UBE2F: variants seen among roughly 807,000 people sequenced by gnomAD.
UBE2F encodes the protein NEDD8-conjugating enzyme UBE2F.
In UBE2F, 5 loss-of-function variants were observed where a neutral mutation model predicts 29.6. The ratio of observed to expected loss-of-function variants is 0.17; its 90% CI spans 0.09 to 0.36. The LOEUF is 0.36. Among genes scored for constraint, UBE2F ranks in the 10% least tolerant of loss-of-function variants. The pLI, the probability that UBE2F is intolerant of heterozygous loss-of-function variation, is 1.00. For missense variants in UBE2F, 141 were observed against 228.5 expected (o/e 0.62, Z 2.47); for synonymous variants, 66 against 81.8 (o/e 0.81, Z 1.04).
chr2:237,972,405 C>T (rs1262772013), intron 1 of UBE2F, among the ~76,000 whole-genome samples: 7 of 152,108 alleles, frequency 4.6e-5, no homozygotes, highest in African/African-American at 1.7e-4. Context: ...CATGTGGAAC[C>T]CATTGGTGAG....
chr2:237,996,210 C>T (rs1267601703), intron 4 of UBE2F, among the ~76,000 whole-genome samples: 1 of 152,186 alleles, frequency 6.6e-6, no homozygotes, highest in Non-Finnish European at 1.5e-5. Flanking sequence ...GTAGGGTATT[C>T]TCAGAAATCA....
intron 4 of UBE2F, among the ~76,000 whole-genome samples, chr2:238,014,621 A>G (rs1174752609): frequency 6.6e-6 from 1 of 152,192 alleles, no homozygotes; most frequent in Non-Finnish European, 1.5e-5. Context: ...ATGGGTAGTA[A>G]TCATTCCTAA....
chr2:237,971,360 G>C (rs2063172691), intron 1 of UBE2F, among the ~76,000 whole-genome samples: 1 of 152,110 alleles, frequency 6.6e-6, no homozygotes, highest in Non-Finnish European at 1.5e-5. Flanking sequence ...GTCTCACTCT[G>C]TTGCCAGGCT....
intron 8 of UBE2F, 142 bp downstream of exon 8, chr2:238,032,396 C>A: frequency 1.4e-6 from 1 of 695,794 alleles, no homozygotes; most frequent in South Asian, 1.9e-5. Flanking sequence ...GCCTGTAATC[C>A]TAGCACTTTG....
chr2:237,977,936 T>C (rs2063313531), intron 2 of UBE2F, among the ~76,000 whole-genome samples: 1 of 152,048 alleles, frequency 6.6e-6, no homozygotes, highest in African/African-American at 2.4e-5. Flanking sequence ...GAGTTTGTCA[T>C]GCAGGATCCT....
In UBE2F at chr2:237,973,084, T is replaced by G; in HGVS notation, c.-16-8T>G. The G allele has an allele frequency of 6.3e-7, 1 of 1,598,292 alleles. No individual in the cohort carries two copies. Among genetic ancestry groups the G allele is most frequent in the Non-Finnish European group, 8.6e-7 (1 of 1,167,636 alleles). ...GTCCTTAACCCTGCTTTCATTGCTGTCTTTCAGGGTAAAGGCAGCAGTAAT... is the reference window on the plus strand; with the variant it reads ...GTCCTTAACCCTGCTTTCATTGCTGGCTTTCAGGGTAAAGGCAGCAGTAAT... On this transcript the variant is annotated splice_region_variant and splice_polypyrimidine_tract_variant and intron_variant, in intron 1 of 9. Coordinates refer to ENST00000272930, the MANE Select transcript of UBE2F (RefSeq NM_080678.3).
intron 7 of UBE2F, 88 bp from the exon 8 acceptor site, chr2:238,032,134 A>G (rs933694056): frequency 4.1e-6 from 4 of 984,294 alleles, no homozygotes; most frequent in Non-Finnish European, 6.4e-6. Flanking sequence ...GTTTTGATAC[A>G]GTGCAAAGCA....
At chr2:237,981,824 G>C (rs1462116086) in intron 2 of UBE2F, among the ~76,000 whole-genome samples, 1 of 151,556 alleles carries the variant, frequency 6.6e-6, no homozygotes, top group African/African-American at 2.4e-5. Flanking sequence ...ACAAGGTTTC[G>C]CCACGTTGCC....
At chr2:238,021,258 TGGA>T (rs1175147967) in intron 5 of UBE2F, among the ~76,000 whole-genome samples, 2 of 152,186 alleles carry the variant, frequency 1.3e-5, no homozygotes, top group African/African-American at 2.4e-5. Flanking sequence ...CCATGGGCCC[TGGA>T]GGAGGAGAGC....
chr2:237,975,241 A>G (rs1005043102), intron 2 of UBE2F, among the ~76,000 whole-genome samples: 3 of 151,894 alleles, frequency 2.0e-5, no homozygotes, highest in Admixed American at 6.6e-5. Flanking sequence ...AGTTGGGACT[A>G]CAAGCGTGCA....
chr2:238,015,176 C>T (rs1465523666), intron 4 of UBE2F, among the ~76,000 whole-genome samples: 4 of 152,006 alleles, frequency 2.6e-5, no homozygotes, highest in African/African-American at 7.2e-5. Flanking sequence ...TAAGCATGAC[C>T]CCAAAGACAG....
chr2:237,994,956 T>G, intron 4 of UBE2F, 147 bp downstream of exon 4: 2 of 638,750 alleles, frequency 3.1e-6, no homozygotes, highest in Admixed American at 2.8e-5. Context: ...AGATATATAC[T>G]TCATAGTGAA....
At chr2:238,009,075 A>G (rs1364482540) in intron 4 of UBE2F, among the ~76,000 whole-genome samples, 1 of 152,232 alleles carries the variant, frequency 6.6e-6, no homozygotes, top group East Asian at 1.9e-4. Context: ...TGCCTTCTGT[A>G]TTTTTTCCTT....
intron 1 of UBE2F, among the ~76,000 whole-genome samples, chr2:237,970,394 T>G (rs980063157): frequency 2.0e-5 from 3 of 152,138 alleles, no homozygotes; most frequent in Non-Finnish European, 4.4e-5. Context: ...CAAAAAACAT[T>G]TTTGTCATCC....
intron 4 of UBE2F, among the ~76,000 whole-genome samples, chr2:237,995,451 C>T (rs2063671823): frequency 6.6e-6 from 1 of 152,224 alleles, no homozygotes; most frequent in Admixed American, 6.5e-5. Flanking sequence ...CCACACTTCA[C>T]AACCCACTGG....
chr2:238,007,786 A>G (rs2063938377), intron 4 of UBE2F, among the ~76,000 whole-genome samples: 1 of 152,040 alleles, frequency 6.6e-6, no homozygotes, highest in African/African-American at 2.4e-5. Flanking sequence ...ATATATTAGT[A>G]TTTTGTTAAG....
At chr2:238,037,092 T>A (rs1347239935) in intron 9 of UBE2F, among the ~76,000 whole-genome samples, 2 of 152,226 alleles carry the variant, frequency 1.3e-5, no homozygotes, top group African/African-American at 2.4e-5. Flanking sequence ...TTATTTTTAA[T>A]CTTCAATTCC....
chr2:237,991,682 G>A (rs1274673371), intron 3 of UBE2F, among the ~76,000 whole-genome samples: 13 of 140,060 alleles, frequency 9.3e-5, no homozygotes, highest in African/African-American at 2.7e-4. Context: ...GGCTCACTGC[G>A]ACCTCCACTT....
At chr2:238,030,173 C>T (rs1164631840) in intron 6 of UBE2F, among the ~76,000 whole-genome samples, 1 of 152,076 alleles carries the variant, frequency 6.6e-6, no homozygotes, top group African/African-American at 2.4e-5. Flanking sequence ...AAGCTATCTT[C>T]CCACCTTGCC....
Sources: allele counts gnomAD v4.1 joint callset (sites outside exome capture counted in the v4.1 genomes callset), GRCh38; gene constraint gnomAD v4.1.1; transcripts MANE v1.5; gene names NCBI Gene and HGNC (gene_info 2026-07-23, HGNC 2026-07-21).